RUBCNL: variants seen among roughly 807,000 people sequenced by gnomAD.
RUBCNL encodes rubicon like autophagy enhancer.
Under a neutral mutation model 69.5 loss-of-function variants are expected in RUBCNL, and 62 were observed. The observed-to-expected ratio is 0.89, with a 90% CI of 0.73 to 1.10. The LOEUF (loss-of-function observed/expected upper bound fraction) is 1.10, where lower values mean the gene tolerates loss of function less well. Ranked by LOEUF, RUBCNL falls within the 50% of genes least tolerant of loss-of-function variation. RUBCNL has a pLI of 0.00. For missense variants in RUBCNL, 768 were observed against 798.1 expected, an observed-to-expected ratio of 0.96 and a Z score of 0.45; for synonymous variants, 291 against 303.6, an observed-to-expected ratio of 0.96 and a Z score of 0.43.
At chr13:46,361,366 G>C in intron 8 of RUBCNL, 75 bp downstream of exon 8, 1 of 1,518,264 alleles carries the variant, frequency 6.6e-7, no homozygotes, top group Non-Finnish European at 9.0e-7. Context: ...AAAGACAAAT[G>C]TTTAAAGTGA....
intron 3 of RUBCNL, among the ~76,000 whole-genome samples, chr13:46,370,865 G>T (rs922082915): frequency 6.8e-6 from 1 of 148,088 alleles, no homozygotes; most frequent in African/African-American, 2.5e-5. Context: ...TACTAAATTT[G>T]CAAGTCACTC....
intron 2 of RUBCNL, chr13:46,374,653 A>C (rs2138815684): frequency 6.6e-6 from 1 of 152,364 alleles, no homozygotes; most frequent in East Asian, 1.9e-4. Context: ...AAATCAGATC[A>C]TGTCATTGCC....
At chr13:46,377,567 C>G (rs1349524693) in intron 2 of RUBCNL, among the ~76,000 whole-genome samples, 1 of 152,134 alleles carries the variant, frequency 6.6e-6, no homozygotes, top group Non-Finnish European at 1.5e-5. Context: ...CTGGCTGATC[C>G]CAGTGTTTTT....
chr13:46,386,199 T>C (rs970359514), intron 1 of RUBCNL, among the ~76,000 whole-genome samples: 1 of 152,234 alleles, frequency 6.6e-6, no homozygotes, highest in Admixed American at 6.5e-5. Context: ...CAGTGGGGTA[T>C]GGCTGGAGTA....
chr13:46,370,337 G>A (rs2048850609), intron 3 of RUBCNL, among the ~76,000 whole-genome samples: 1 of 152,192 alleles, frequency 6.6e-6, no homozygotes, highest in Non-Finnish European at 1.5e-5. Flanking sequence ...TGCTTACAGA[G>A]GCCGATAGTC....
chr13:46,341,393 CT>C lies in RUBCNL; in HGVS notation c.*1991del, dbSNP rs1443959120. Among the ~76,000 whole-genome samples the C allele has an allele frequency of 2.6e-5, 4 of 152,174 alleles. No homozygotes were observed. The highest frequency in any genetic ancestry group is 9.7e-5 in the African/African-American group (4 of 41,440). On this transcript the variant is annotated 3_prime_UTR_variant, in exon 15 of 15. Coordinates refer to ENST00000429979, the MANE Select transcript of RUBCNL (RefSeq NM_025113.5). ...TCCATGTGGGCTGAAGATCACTTCCCTAACAGGTGCCTTCCTGGGAAGAAGC... is the reference window on the plus strand; with the variant it reads ...TCCATGTGGGCTGAAGATCACTTCCCAACAGGTGCCTTCCTGGGAAGAAGC...
intron 12 of RUBCNL, among the ~76,000 whole-genome samples, chr13:46,347,338 C>T (rs768768384): frequency 2.6e-5 from 4 of 152,082 alleles, no homozygotes; most frequent in Non-Finnish European, 4.4e-5. Context: ...ACCTGGGAGG[C>T]AGAGGCTGCA....
Position 46,372,138 on chromosome 13 carries a change from C to T in RUBCNL, c.338G>A (p.Gly113Asp). ...ACTCGAGCCATGGGGAGAAGCGCTG[C>T]CAACGGAGTCTGTGGTATCCTCAGA... ...TLSEDTTDSV[G>D]SASPHGSSEK... The change falls in exon 3 of 15, where the codon GGC becomes GAC. Residue 113 changes from glycine (G) to aspartate (D), a missense_variant. Coordinates refer to ENST00000429979, the MANE Select transcript of RUBCNL (RefSeq NM_025113.5). 1 of 1,613,984 alleles carries T rather than the reference C, an allele frequency of 6.2e-7. No individual in the cohort carries two copies. The highest frequency in any genetic ancestry group is 8.5e-7 in the Non-Finnish European group (1 of 1,179,886).
At position 46,335,441 on chromosome 13, in the gene RUBCNL, C is replaced by T. The variant is rs2764594; in HGVS notation, c.*7944G>A. On this transcript the variant is annotated 3_prime_UTR_variant, in exon 15 of 15. Coordinates refer to ENST00000429979, the MANE Select transcript of RUBCNL (RefSeq NM_025113.5). The stretch of plus-strand genomic sequence containing the variant: ...TTAAGTCTTCAGAGGGTTTAATCCA[C>T]GGAGATAGACGATCTGATTTATGCT... Among the ~76,000 whole-genome samples the T allele has an allele frequency of 6.6e-6, 1 of 151,556 alleles. No homozygotes were observed. The highest frequency in any genetic ancestry group is 1.5e-5 in the Non-Finnish European group (1 of 67,884).
At chr13:46,346,903 C>T (rs1375989033) in intron 12 of RUBCNL, among the ~76,000 whole-genome samples, 1 of 152,138 alleles carries the variant, frequency 6.6e-6, no homozygotes, top group Admixed American at 6.5e-5. Flanking sequence ...TAAGTCTTTA[C>T]TGGTTGTATA....
chr13:46,336,670 T>G lies in RUBCNL; in HGVS notation c.*6715A>C, dbSNP rs1226014982. Among the ~76,000 whole-genome samples, 1 of 152,098 alleles carries G rather than the reference T, an allele frequency of 6.6e-6. No homozygotes were observed. The highest frequency in any genetic ancestry group is 2.4e-5 in the African/African-American group (1 of 41,414). On this transcript the variant is annotated 3_prime_UTR_variant, in exon 15 of 15. Coordinates refer to ENST00000429979, the MANE Select transcript of RUBCNL (RefSeq NM_025113.5). ...GAAGACAATACAGTGACTACTGAAT[T>G]TAGATATTGCTAGTGACCTTGACGG... is the stretch of plus-strand genomic sequence containing the variant.
At chr13:46,347,267 T>C (rs1339756445) in intron 12 of RUBCNL, among the ~76,000 whole-genome samples, 1 of 151,952 alleles carries the variant, frequency 6.6e-6, no homozygotes, top group Admixed American at 6.6e-5. Context: ...ATTAGCCAGG[T>C]GTGATGGCAC....
intron 2 of RUBCNL, among the ~76,000 whole-genome samples, chr13:46,373,774 C>T (rs1208490696): frequency 6.6e-6 from 1 of 152,250 alleles, no homozygotes; most frequent in Non-Finnish European, 1.5e-5. Context: ...GCTGTAAATA[C>T]CATTGCTGTG....
In RUBCNL at chr13:46,345,574, G is replaced by C; in HGVS notation, c.1658C>G (p.Pro553Arg). ...NSALKEFEQV[P>R]GHLTDELHLF... Reference sequence around the variant, plus strand: ...GTGGAGCTCATCAGTCAAGTGTCCCGGCACCTGCTCGAACTCCTTTAATGC... The same window carrying C: ...GTGGAGCTCATCAGTCAAGTGTCCCCGCACCTGCTCGAACTCCTTTAATGC... The change falls in exon 13 of 15, where the codon CCG (proline) becomes CGG (arginine). Residue 553 changes from proline (P) to arginine (R), a missense_variant. By Grantham distance (103) the Pro-to-Arg change is moderately radical. Transcript: ENST00000429979. 3 of 1,613,582 alleles carry C rather than the reference G, an allele frequency of 1.9e-6. No individual in the cohort carries two copies. The highest frequency in any genetic ancestry group is 2.2e-5 in the East Asian group (1 of 44,870).
At chr13:46,365,022 G>C (rs933667609) in intron 5 of RUBCNL, among the ~76,000 whole-genome samples, 1 of 152,016 alleles carries the variant, frequency 6.6e-6, no homozygotes, top group Non-Finnish European at 1.5e-5. Context: ...CTCATGAAAG[G>C]CTGGGTGTGG....
At chr13:46,345,415 C>A (rs929937052) in intron 13 of RUBCNL, 32 bp downstream of exon 13, 2 of 1,548,920 alleles carry the variant, frequency 1.3e-6, no homozygotes, top group South Asian at 1.2e-5. Flanking sequence ...CCTGGTGCAT[C>A]GGGAACGAAT....
chr13:46,365,361 ACC>A (rs2138772207), intron 5 of RUBCNL, among the ~76,000 whole-genome samples: 1 of 151,872 alleles, frequency 6.6e-6, no homozygotes, highest in East Asian at 1.9e-4. Flanking sequence ...ACAGACCTAA[ACC>A]ACGTACACAC....
rs1179828861 is a variant in RUBCNL, at chr13:46,350,305, G to A, written c.1377C>T (p.Phe459=). ...LRYCEYLGKY[F]CDCCHSYAES... ...CTGCATATGAGTGGCAGCAGTCACA[G>A]AAATACTTCCCTAGGTATTCGCAGT... Residue 459 remains phenylalanine, a synonymous_variant, in exon 11 of 15, where the codon TTC becomes TTT. Transcript: ENST00000429979. The A allele has an allele frequency of 6.4e-7, 1 of 1,573,038 alleles. No homozygotes were observed.
intron 9 of RUBCNL, 73 bp downstream of exon 9, chr13:46,359,413 C>T: frequency 1.5e-6 from 2 of 1,309,364 alleles, no homozygotes; most frequent in South Asian, 3.4e-5. Context: ...TCACCTACTG[C>T]CATAGAGTCA....
Sources: allele counts gnomAD v4.1 joint callset (sites outside exome capture counted in the v4.1 genomes callset), GRCh38; gene constraint gnomAD v4.1.1; transcripts MANE v1.5; gene names NCBI Gene and HGNC (gene_info 2026-07-23, HGNC 2026-07-21).